The following GALNT13 variants were observed in gnomAD, a reference collection of about 807,000 sequenced individuals.
GALNT13 encodes UDP-GalNAc:polypeptide N-acetylgalactosaminyltransferase 13.
Under a neutral mutation model 64.2 loss-of-function variants are expected in GALNT13, and 28 were observed. The ratio of observed to expected loss-of-function variants is 0.44; its 90% CI spans 0.32 to 0.60. The LOEUF (loss-of-function observed/expected upper bound fraction) is 0.60. GALNT13 is among the 20% of genes least tolerant of loss of function. The pLI, the probability that GALNT13 is intolerant of heterozygous loss-of-function variation, is 0.05. For synonymous variants in GALNT13, 214 were observed against 224.6 expected (o/e 0.95, Z 0.42); for missense variants, 577 against 669.8 (o/e 0.86, Z 1.53).
the GALNT13 span, among the ~76,000 whole-genome samples, chr2:153,541,329 T>G: frequency 6.6e-6 from 1 of 152,204 alleles, no homozygotes; most frequent in Non-Finnish European, 1.5e-5. Flanking sequence ...TCCCTAATCC[T>G]GCTGACCTGT....
At chr2:153,804,314 T>G in the GALNT13 span, among the ~76,000 whole-genome samples, 3 of 152,152 alleles carry the variant, frequency 2.0e-5, no homozygotes, top group African/African-American at 7.2e-5. Context: ...ACCACAGGCA[T>G]GTGCCATCAT....
At chr2:153,846,102 A>G in the GALNT13 span, among the ~76,000 whole-genome samples, 2 of 152,206 alleles carry the variant, frequency 1.3e-5, no homozygotes, top group Admixed American at 6.5e-5. Flanking sequence ...GAAGTACCAA[A>G]GAAAGTAGTT....
At chr2:153,839,331 T>G in the GALNT13 span, among the ~76,000 whole-genome samples, 2 of 151,920 alleles carry the variant, frequency 1.3e-5, no homozygotes, top group African/African-American at 4.8e-5. Flanking sequence ...ATCCATATTT[T>G]GTTTCTGATT....
chr2:153,771,374 C>G, the GALNT13 span, among the ~76,000 whole-genome samples: 1 of 152,038 alleles, frequency 6.6e-6, no homozygotes, highest in Non-Finnish European at 1.5e-5. Context: ...AGGTGTGGAG[C>G]AGAAGAAGTG....
chr2:153,529,608 A>G, the GALNT13 span, among the ~76,000 whole-genome samples: 1 of 151,938 alleles, frequency 6.6e-6, no homozygotes, highest in Non-Finnish European at 1.5e-5. Context: ...AGACACATTA[A>G]AAAAAATACA....
the GALNT13 span, among the ~76,000 whole-genome samples, chr2:153,583,975 A>T: frequency 6.6e-6 from 1 of 152,174 alleles, no homozygotes; most frequent in South Asian, 2.1e-4. Context: ...AGAAGCTCCT[A>T]TAGCCTGAAA....
chr2:153,714,277 C>T, the GALNT13 span, among the ~76,000 whole-genome samples: 12 of 151,928 alleles, frequency 7.9e-5, no homozygotes, highest in Admixed American at 7.9e-4. Context: ...ATTTTCTCCA[C>T]ATGTAAGAAA....
At chr2:154,252,324 A>G (rs1690110642) in intron 7 of GALNT13, among the ~76,000 whole-genome samples, 1 of 151,274 alleles carries the variant, frequency 6.6e-6, no homozygotes, top group Non-Finnish European at 1.5e-5. Flanking sequence ...ATCAGGAAAC[A>G]TGTACTATTT....
At chr2:153,977,929 C>T (rs1694189659) in intron 3 of GALNT13, among the ~76,000 whole-genome samples, 1 of 151,932 alleles carries the variant, frequency 6.6e-6, no homozygotes. Context: ...ATCTTTCAAT[C>T]CTGGGAATTA....
chr2:154,044,835 G>A lies in GALNT13; in HGVS notation c.143-95502G>A, dbSNP rs2105334412. Among the ~76,000 whole-genome samples the A allele has an allele frequency of 1.3e-5, 2 of 152,278 alleles. 1 individual carries two copies. The highest frequency in any genetic ancestry group is 3.9e-4 in the East Asian group (2 of 5,172). ...TTTTAGAAGAGATAGTGAATTAAAT[G>A]TTATTTGCATTTAATCCTAGGTAAT... On this transcript the variant is annotated intron_variant, in intron 3 of 12. Transcript: ENST00000392825.
Position 153,959,179 on chromosome 2 carries a change from T to C in GALNT13, c.142+14540T>C, listed in dbSNP as rs187796603. Among the ~76,000 whole-genome samples, 607 of 149,094 alleles carry C rather than the reference T, an allele frequency of 4.1e-3. 2 individuals are homozygous for C. Among genetic ancestry groups the C allele is most frequent in the African/African-American group, 0.015 (577 of 38,610 alleles). On this transcript the variant is annotated intron_variant, in intron 3 of 12. Coordinates refer to ENST00000392825, the MANE Select transcript of GALNT13 (RefSeq NM_052917.4). ...TCAGTGCTGAAAATCCCAGAGCATATTGGGGGGTGGCCAAAAATACTAATG... is the reference window on the plus strand; with the variant it reads ...TCAGTGCTGAAAATCCCAGAGCATACTGGGGGGTGGCCAAAAATACTAATG...
chr2:153,633,381 G>C, the GALNT13 span, among the ~76,000 whole-genome samples: 1 of 152,080 alleles, frequency 6.6e-6, no homozygotes, highest in Admixed American at 6.6e-5. Flanking sequence ...TCACCAAGTA[G>C]TCATTTTTTT....
At chr2:153,877,720 G>A (rs917107220) in intron 1 of GALNT13, among the ~76,000 whole-genome samples, 4 of 152,040 alleles carry the variant, frequency 2.6e-5, no homozygotes, top group Non-Finnish European at 5.9e-5. Context: ...ACAACCATTA[G>A]TTTAAAGAAA....
At chr2:154,100,323 C>T (rs918599063) in intron 3 of GALNT13, among the ~76,000 whole-genome samples, 4 of 152,008 alleles carry the variant, frequency 2.6e-5, no homozygotes, top group Non-Finnish European at 5.9e-5. Context: ...AATATTGATT[C>T]TTGAAATCTT....
intron 4 of GALNT13, among the ~76,000 whole-genome samples, chr2:154,145,576 A>T (rs902271480): frequency 3.9e-5 from 6 of 151,964 alleles, no homozygotes; most frequent in Non-Finnish European, 7.4e-5. Flanking sequence ...TCAGGAAAAA[A>T]TTGAGAAAAT....
intron 7 of GALNT13, 100 bp from the exon 8 acceptor site, chr2:154,258,921 T>A: frequency 1.6e-6 from 1 of 633,852 alleles, no homozygotes; most frequent in East Asian, 2.9e-5. Context: ...TGAGATTTTT[T>A]AAATATTTAG....
intron 3 of GALNT13, among the ~76,000 whole-genome samples, chr2:154,064,817 T>C (rs1700375565): frequency 6.6e-6 from 1 of 152,106 alleles, no homozygotes; most frequent in Non-Finnish European, 1.5e-5. Flanking sequence ...GTGGTGACTA[T>C]GAGGAAAGAT....
chr2:154,123,819 T>C (rs2105524163), intron 3 of GALNT13, among the ~76,000 whole-genome samples: 1 of 152,080 alleles, frequency 6.6e-6, no homozygotes, highest in Non-Finnish European at 1.5e-5. Context: ...GAAAAAAATA[T>C]AACTTATAGT....
intron 3 of GALNT13, among the ~76,000 whole-genome samples, chr2:154,104,176 G>C (rs959212205): frequency 1.3e-5 from 2 of 151,118 alleles, no homozygotes; most frequent in Non-Finnish European, 3.0e-5. Flanking sequence ...TTATCTTCAG[G>C]GCATGATGCA....
Sources: gnomAD v4.1 joint callset for allele counts (sites outside exome capture counted in the v4.1 genomes callset) on GRCh38, gnomAD v4.1.1 for gene constraint, MANE v1.5 for transcripts, NCBI Gene and HGNC (gene_info 2026-07-23, HGNC 2026-07-21) for gene names.